The following BLVRA variants were observed in gnomAD, a reference collection of about 807,000 sequenced individuals.
BLVRA encodes BVR A.
BLVRA carries 22 observed loss-of-function variants against 32.8 expected under a neutral mutation model. The ratio of observed to expected loss-of-function variants is 0.67; its 90% CI spans 0.48 to 0.96. The LOEUF (loss-of-function observed/expected upper bound fraction) is 0.96, where lower values mean the gene tolerates loss of function less well. BLVRA is among the 40% of genes least tolerant of loss of function. The pLI, the probability that BLVRA is intolerant of heterozygous loss-of-function variation, is 0.00. For missense variants in BLVRA, 323 were observed against 358.1 expected, an observed-to-expected ratio of 0.90 and a Z score of 0.79; for synonymous variants, 119 against 141.3, an observed-to-expected ratio of 0.84 and a Z score of 1.12.
At chr7:43,796,661 C>T (rs946551233) in intron 5 of BLVRA, among the ~76,000 whole-genome samples, 6 of 152,074 alleles carry the variant, frequency 3.9e-5, no homozygotes, top group Non-Finnish European at 5.9e-5. Context: ...GTCTTACATA[C>T]GACATCAAAA....
Position 43,767,752 on chromosome 7 carries a change from T to C in BLVRA, c.-21-3386T>C, listed in dbSNP as rs118007984. On this transcript the variant is annotated intron_variant, in intron 1 of 7. Transcript: ENST00000265523. ...AGTGTAAATTTTGATCCTCCTAATA[T>C]GTTGTTTGTATATTCAGTTTTAACT... Among the ~76,000 whole-genome samples, 862 of 152,310 alleles carry C rather than the reference T, an allele frequency of 5.7e-3. 4 individuals are homozygous for C. The highest frequency in any genetic ancestry group is 8.7e-3 in the Non-Finnish European group (591 of 68,030).
chr7:43,767,328 G>A lies in BLVRA; in HGVS notation c.-21-3810G>A, dbSNP rs1220924443. On this transcript the variant is annotated intron_variant, in intron 1 of 7. Coordinates refer to ENST00000265523, the MANE Select transcript of BLVRA (RefSeq NM_000712.4). ...ATAAAGTGGCGCTGAACGCACTGCA[G>A]CCTCCTAAGTTCGGAAAAGAAAGCT... The A allele has an allele frequency of 3.9e-6, 6 of 1,531,862 alleles. No individual in the cohort carries two copies. The Admixed American group carries it at 1.0e-4, about 26-fold the overall frequency. 94.9% of individuals were successfully genotyped at this position (1,531,862 alleles called of 1,614,324 possible).
chr7:43,760,709 A>AAC (rs200961030), intron 1 of BLVRA, among the ~76,000 whole-genome samples: 4,351 of 151,786 alleles, frequency 0.029, 186 homozygotes, highest in African/African-American at 0.098. Flanking sequence ...TAAAAAAAAA[A>AAC]ACACTGAATA....
intron 2 of BLVRA, among the ~76,000 whole-genome samples, chr7:43,772,685 GAAAGC>G (rs920678820): frequency 6.6e-6 from 1 of 152,208 alleles, no homozygotes; most frequent in Non-Finnish European, 1.5e-5. Flanking sequence ...AAGGCAAAGG[GAAAGC>G]AAGGCACCTT....
At chr7:43,776,673 C>A (rs1297497444) in intron 2 of BLVRA, among the ~76,000 whole-genome samples, 1 of 152,128 alleles carries the variant, frequency 6.6e-6, no homozygotes, top group African/African-American at 2.4e-5. Flanking sequence ...TGGTGCAGAG[C>A]TGAGTTCAAT....
intron 1 of BLVRA, among the ~76,000 whole-genome samples, chr7:43,766,336 G>C (rs571769606): frequency 6.7e-6 from 1 of 150,096 alleles, no homozygotes; most frequent in Non-Finnish European, 1.5e-5. Context: ...AAATAAAAAT[G>C]TATCTATTTA....
intron 1 of BLVRA, chr7:43,764,136 G>A (rs983262229): frequency 4.6e-5 from 7 of 152,130 alleles, no homozygotes; most frequent in Admixed American, 2.6e-4. Context: ...ACATATTCTG[G>A]CGTGTGGAAG....
At chr7:43,800,011 A>G (rs2095796995) in intron 5 of BLVRA, among the ~76,000 whole-genome samples, 1 of 151,906 alleles carries the variant, frequency 6.6e-6, no homozygotes, top group Admixed American at 6.6e-5. Flanking sequence ...GCTGGAGTGC[A>G]GTGATGCAAT....
chr7:43,803,798 G>A lies in BLVRA; in HGVS notation c.583G>A (p.Glu195Lys), dbSNP rs773161165. ...LVSATLEERKEDQYMKMTVCL... is the reference protein window; with the variant it reads ...LVSATLEERKKDQYMKMTVCL... Reference sequence around the variant, plus strand: ...GTCTGCCACTTTGGAAGAGCGAAAGGAAGATCAGTATATGAAAATGACAGT... The same window carrying A: ...GTCTGCCACTTTGGAAGAGCGAAAGAAAGATCAGTATATGAAAATGACAGT... Residue 195 changes from glutamate to lysine, a missense_variant, in exon 7 of 8, where the codon GAA (glutamate) becomes AAA (lysine). Transcript: ENST00000265523. 5 of 1,614,046 alleles carry A rather than the reference G, an allele frequency of 3.1e-6. No homozygotes were observed. In the African/African-American group the frequency reaches 4.0e-5, roughly 13 times the overall value.
chr7:43,766,308 A>G (rs972321852), intron 1 of BLVRA, among the ~76,000 whole-genome samples: 3 of 151,462 alleles, frequency 2.0e-5, no homozygotes, highest in African/African-American at 7.3e-5. Flanking sequence ...AAAAAAAAAA[A>G]GTTAAAAATC....
In BLVRA at chr7:43,775,912, T is replaced by C. The variant is rs1197093777; in HGVS notation, c.12+4742T>C. Among the ~76,000 whole-genome samples the C allele has an allele frequency of 2.0e-5, 3 of 152,346 alleles. No homozygotes were observed. The East Asian group carries it at 5.8e-4, about 29-fold the overall frequency. Reference sequence around the variant, plus strand: ...GAATTTATCCATTTCTTCTAGATTTTCTAGTTTATTTGCGTAGAGGTGTTT... The same window carrying C: ...GAATTTATCCATTTCTTCTAGATTTCCTAGTTTATTTGCGTAGAGGTGTTT... On this transcript the variant is annotated intron_variant, in intron 2 of 7. Transcript: ENST00000265523.
intron 2 of BLVRA, among the ~76,000 whole-genome samples, chr7:43,771,910 C>T (rs1007336009): frequency 6.6e-6 from 1 of 152,218 alleles, no homozygotes; most frequent in South Asian, 2.1e-4. Flanking sequence ...CTCTGTCCTC[C>T]TCGAAGGTCC....
At chr7:43,774,661 T>C (rs1460863995) in intron 2 of BLVRA, among the ~76,000 whole-genome samples, 2 of 152,228 alleles carry the variant, frequency 1.3e-5, no homozygotes, top group African/African-American at 4.8e-5. Context: ...AGTAGTTTTT[T>C]CCAATTCTGT....
intron 1 of BLVRA, among the ~76,000 whole-genome samples, chr7:43,761,842 T>A (rs1446173906): frequency 2.0e-5 from 3 of 152,200 alleles, no homozygotes; most frequent in African/African-American, 7.2e-5. Flanking sequence ...AAGAAAGTAG[T>A]CACTAAAAGT....
intron 1 of BLVRA, among the ~76,000 whole-genome samples, chr7:43,768,178 G>A (rs553501366): frequency 3.3e-5 from 5 of 152,330 alleles, no homozygotes; most frequent in African/African-American, 1.2e-4. Context: ...CATTCTGCCT[G>A]TTATAAGAGT....
intron 1 of BLVRA, among the ~76,000 whole-genome samples, chr7:43,769,882 T>A (rs1484513686): frequency 3.9e-5 from 6 of 152,194 alleles, no homozygotes; most frequent in Admixed American, 3.3e-4. Context: ...GTACTGGGAT[T>A]ACAGGCGTGA....
intron 2 of BLVRA, 133 bp downstream of exon 2, chr7:43,771,303 A>G (rs2095754403): frequency 9.4e-7 from 1 of 1,064,126 alleles, no homozygotes; most frequent in Non-Finnish European, 1.4e-6. Flanking sequence ...AGCCTACTGA[A>G]GTGCACGTGG....
At chr7:43,767,262 C>T (rs927677747) in intron 1 of BLVRA, 9 of 866,472 alleles carry the variant, frequency 1.0e-5, no homozygotes, top group Admixed American at 4.1e-5. Context: ...AGCCTGCCAC[C>T]GAGCACCTGT....
At chr7:43,762,605 C>CTT (rs1563533682) in intron 1 of BLVRA, among the ~76,000 whole-genome samples, 1 of 118,652 alleles carries the variant, frequency 8.4e-6, no homozygotes. Context: ...CCCAGTAGTT[C>CTT]CTTTTTTTTT....
Sources: allele counts gnomAD v4.1 joint callset (sites outside exome capture counted in the v4.1 genomes callset), GRCh38; gene constraint gnomAD v4.1.1; transcripts MANE v1.5; gene names NCBI Gene and HGNC (gene_info 2026-07-23, HGNC 2026-07-21).